SPON1: variants seen among roughly 807,000 people sequenced by gnomAD.
The protein encoded by SPON1 is spondin 1, also known as spondin-1.
Under a neutral mutation model 111.7 loss-of-function variants are expected in SPON1, and 52 were observed. That is an observed-to-expected ratio of 0.47 (90% confidence interval 0.37 to 0.59). The LOEUF (loss-of-function observed/expected upper bound fraction) is 0.59, where lower values mean the gene tolerates loss of function less well. Ranked by LOEUF, SPON1 falls within the 20% of genes least tolerant of loss-of-function variation. The pLI, the probability that SPON1 is intolerant of heterozygous loss-of-function variation, is 0.00. For missense variants in SPON1, 957 were observed against 1,068.5 expected, an observed-to-expected ratio of 0.90 and a Z score of 1.46; for synonymous variants, 410 against 395.8, an observed-to-expected ratio of 1.04 and a Z score of -0.43.
intron 6 of SPON1, among the ~76,000 whole-genome samples, chr11:14,226,456 G>A (rs1411140651): frequency 2.0e-5 from 3 of 152,168 alleles, no homozygotes; most frequent in South Asian, 2.1e-4. Context: ...CCTTGTGATC[G>A]AGTGGTTGAC....
chr11:14,160,213 G>C (rs1013189145), intron 6 of SPON1, among the ~76,000 whole-genome samples: 4 of 147,824 alleles, frequency 2.7e-5, no homozygotes, highest in African/African-American at 5.0e-5. Flanking sequence ...AAGAACTATA[G>C]ATACTCCTTG....
At chr11:14,093,200 G>A (rs7130971) in intron 5 of SPON1, among the ~76,000 whole-genome samples, 3,709 of 152,158 alleles carry the variant, frequency 0.024, 152 homozygotes, top group African/African-American at 0.084. Context: ...ATGTCTGTTC[G>A]AGGCACTGTG....
chr11:14,083,102 A>C (rs1280285207), intron 5 of SPON1, among the ~76,000 whole-genome samples: 2 of 152,214 alleles, frequency 1.3e-5, no homozygotes, highest in Non-Finnish European at 2.9e-5. Context: ...CTAGTAAATT[A>C]AAAATAATAA....
chr11:14,079,735 A>T (rs1848946513), intron 4 of SPON1, among the ~76,000 whole-genome samples, 164 bp from the exon 5 acceptor site: 1 of 152,116 alleles, frequency 6.6e-6, no homozygotes, highest in Admixed American at 6.5e-5. Flanking sequence ...AGGCATACAA[A>T]ATCCTTTATT....
At chr11:14,221,397 AGAAAG>A (rs1323278089) in intron 6 of SPON1, among the ~76,000 whole-genome samples, 1 of 152,258 alleles carries the variant, frequency 6.6e-6, no homozygotes, top group Non-Finnish European at 1.5e-5. Flanking sequence ...TCCAAGGCCT[AGAAAG>A]GGAAGGAGTC....
At chr11:14,062,789 G>A (rs1344798622) in intron 3 of SPON1, among the ~76,000 whole-genome samples, 4 of 152,158 alleles carry the variant, frequency 2.6e-5, no homozygotes. Flanking sequence ...CAGAAAGCTA[G>A]GGAAATGTAC....
At chr11:14,093,709 G>A (rs530162153) in intron 5 of SPON1, among the ~76,000 whole-genome samples, 7 of 152,144 alleles carry the variant, frequency 4.6e-5, no homozygotes, top group African/African-American at 9.6e-5. Flanking sequence ...AAAAACCACC[G>A]CTCTAACACT....
At chr11:14,264,956 T>C (rs1486664052) in intron 15 of SPON1, among the ~76,000 whole-genome samples, 1 of 152,202 alleles carries the variant, frequency 6.6e-6, no homozygotes, top group Non-Finnish European at 1.5e-5. Flanking sequence ...ATATGGCTGC[T>C]GCATAAGCCA....
At chr11:14,090,363 T>G (rs117679829) in intron 5 of SPON1, among the ~76,000 whole-genome samples, 5,633 of 152,276 alleles carry the variant, frequency 0.037, 140 homozygotes, top group Non-Finnish European at 0.054. Flanking sequence ...CTGGGCTGGA[T>G]AGCACAGTCC....
At chr11:14,074,509 G>T (rs1380694102) in intron 3 of SPON1, among the ~76,000 whole-genome samples, 1 of 152,210 alleles carries the variant, frequency 6.6e-6, no homozygotes, top group African/African-American at 2.4e-5. Flanking sequence ...GAAAATTACC[G>T]TTTGACTGAG....
intron 6 of SPON1, among the ~76,000 whole-genome samples, chr11:14,167,536 A>G (rs1564921625): frequency 6.6e-6 from 1 of 151,944 alleles, no homozygotes; most frequent in Non-Finnish European, 1.5e-5. Flanking sequence ...ATCTTTTAAC[A>G]TTACTTAAAA....
In SPON1 at chr11:13,962,878, C is replaced by A. The variant is rs1554907609; in HGVS notation, c.-27C>A. ...GAGTCGCGTGGCGAAGGCCTGCGGC[C>A]GCGGCACAAAGTTGGGGGCCGCGAA... On this transcript the variant is annotated 5_prime_UTR_variant, in exon 1 of 16. Coordinates refer to ENST00000576479, the MANE Select transcript of SPON1 (RefSeq NM_006108.4). 1.4e-6 allele frequency: 2 copies of A among 1,439,884 alleles called. No homozygotes were observed. The highest frequency in any genetic ancestry group is 1.8e-6 in the Non-Finnish European group (2 of 1,102,708). 89.2% of individuals were successfully genotyped at this position (1,439,884 alleles called of 1,614,324 possible).
In SPON1 at chr11:14,230,786, TCA is replaced by T. The variant is rs1554938618; in HGVS notation, c.826-12545_826-12544del. On this transcript the variant is annotated intron_variant, in intron 6 of 15. Coordinates refer to ENST00000576479, the MANE Select transcript of SPON1 (RefSeq NM_006108.4). ...CTCTTTCCTTCCTTCCTTCCTTCCT[TCA>T]TTTTTTCGTGGTGGTGGTGAGACAG... Among the ~76,000 whole-genome samples the T allele has an allele frequency of 1.6e-4, 6 of 36,872 alleles. No homozygotes were observed. In the South Asian group the frequency reaches 4.6e-3, roughly 28 times the overall value. 24.2% of individuals were successfully genotyped at this position (36,872 alleles called of 152,430 possible).
chr11:14,259,738 T>TG lies in SPON1; in HGVS notation c.1831+41dup. 1 of 1,550,306 alleles carries TG rather than the reference T, an allele frequency of 6.5e-7. No homozygotes were observed. The highest frequency in any genetic ancestry group is 8.7e-7 in the Non-Finnish European group (1 of 1,146,570). ...CGGGGGTGGACTTGGAGGAGGCCAC[T>TG]GGGGACAGGCGTGGAGGGCCATGGC... On this transcript the variant is annotated intron_variant, in intron 13 of 15. Transcript: ENST00000576479. The surrounding 1 kb of genome is among the most constrained non-coding windows in gnomAD (Gnocchi z 5.0).
intron 6 of SPON1, among the ~76,000 whole-genome samples, chr11:14,217,987 G>A (rs1554937278): frequency 6.6e-6 from 1 of 152,186 alleles, no homozygotes; most frequent in Admixed American, 6.5e-5. Context: ...CCTGGGGGTA[G>A]GGCTCAGCCG....
intron 6 of SPON1, among the ~76,000 whole-genome samples, chr11:14,239,855 G>C (rs896088357): frequency 1.3e-5 from 2 of 152,180 alleles, no homozygotes; most frequent in African/African-American, 4.8e-5. Context: ...TAAAAAGATG[G>C]ATAGTATCCC....
chr11:14,077,419 A>G (rs1227111779), intron 4 of SPON1, among the ~76,000 whole-genome samples: 1 of 151,970 alleles, frequency 6.6e-6, no homozygotes, highest in Non-Finnish European at 1.5e-5. Flanking sequence ...ATATGCATAC[A>G]CATACTTTAT....
At chr11:14,209,040 T>C (rs997457841) in intron 6 of SPON1, among the ~76,000 whole-genome samples, 15 of 152,186 alleles carry the variant, frequency 9.9e-5, no homozygotes, top group Non-Finnish European at 2.1e-4. Context: ...ATATATCAGC[T>C]TCTTAAGTCA....
At chr11:14,167,759 G>T (rs1591396883) in intron 6 of SPON1, among the ~76,000 whole-genome samples, 1 of 152,014 alleles carries the variant, frequency 6.6e-6, no homozygotes, top group Non-Finnish European at 1.5e-5. Context: ...GGACACATGG[G>T]CCCAGATTCT....
Sources: gnomAD v4.1 joint callset for allele counts (sites outside exome capture counted in the v4.1 genomes callset) on GRCh38, gnomAD v4.1.1 for gene constraint, Gnocchi (gnomAD v3.1) non-coding constraint, MANE v1.5 for transcripts, NCBI Gene and HGNC (gene_info 2026-07-23, HGNC 2026-07-21) for gene names.